Variants in INAVA observed in about 807,000 individuals in gnomAD.
INAVA encodes innate immunity activator protein.
A neutral mutation model predicts 55.3 loss-of-function variants in INAVA; 32 were observed. The ratio of observed to expected loss-of-function variants is 0.58; its 90% CI spans 0.44 to 0.78. The LOEUF (loss-of-function observed/expected upper bound fraction) is 0.78, where lower values mean the gene tolerates loss of function less well. INAVA is among the 30% of genes least tolerant of loss of function. The pLI is 0.00. For missense variants in INAVA, 756 were observed against 786.4 expected, an observed-to-expected ratio of 0.96 and a Z score of 0.46; for synonymous variants, 294 against 329.4, an observed-to-expected ratio of 0.89 and a Z score of 1.16.
In INAVA at chr1:200,901,007, G is replaced by T; in HGVS notation, c.368G>T (p.Cys123Phe). 1 of 1,551,844 alleles carries T rather than the reference G, an allele frequency of 6.4e-7. No homozygotes were observed. The highest frequency in any genetic ancestry group is 8.7e-7 in the Non-Finnish European group (1 of 1,147,518). ...ATCACAGAGGCAGCCCGTCGGCTGT[G>T]CCTGGAGGAGAACCTCAGCAGGCAG... ...LQITEAARRLCLEENLSRQAR... is the reference protein window; with the variant it reads ...LQITEAARRLFLEENLSRQAR... The change falls in exon 5 of 10, where the codon TGC becomes TTC. Residue 123 changes from cysteine to phenylalanine, a missense_variant. Coordinates refer to ENST00000413687, the MANE Select transcript of INAVA (RefSeq NM_001142569.3).
Position 200,900,212 on chromosome 1 carries a change from CA to C in INAVA, c.290del (p.His97ProfsTer6). The C allele has an allele frequency of 6.2e-7, 1 of 1,613,836 alleles. No homozygotes were observed. Among genetic ancestry groups the C allele is most frequent in the Non-Finnish European group, 8.5e-7 (1 of 1,179,744 alleles). On this transcript the variant is annotated frameshift_variant, in exon 4 of 10. Coordinates refer to ENST00000413687, the MANE Select transcript of INAVA (RefSeq NM_001142569.3). LOFTEE classifies it high-confidence loss of function. ...TTACAAACTGGATGACTGGGCCTTG[CA>C]CAGAGAGGTGAGGAACCTCAGGAAG... ...AAYKLDDWAL[H>X]REDPLSSLER...
At chr1:200,898,499 G>T in intron 2 of INAVA, 44 bp downstream of exon 2, 3 of 1,595,872 alleles carry the variant, frequency 1.9e-6, no homozygotes, top group Non-Finnish European at 2.6e-6. Flanking sequence ...CCTAGTCCCT[G>T]GTCCCTGGTC....
intron 1 of INAVA, among the ~76,000 whole-genome samples, chr1:200,895,578 G>T (rs1235127150): frequency 6.6e-6 from 1 of 152,080 alleles, no homozygotes; most frequent in African/African-American, 2.4e-5. Context: ...TTATCTAAAA[G>T]CAATGCCTTA....
chr1:200,891,822 A>C (rs1333571057), upstream of INAVA: 11 of 599,854 alleles, frequency 1.8e-5, no homozygotes, highest in Non-Finnish European at 2.9e-5. Flanking sequence ...TAATTTTTTC[A>C]AAGGGGCAGG....
At chr1:200,906,013 G>C (rs1459697086) in intron 5 of INAVA, among the ~76,000 whole-genome samples, 2 of 152,220 alleles carry the variant, frequency 1.3e-5, no homozygotes, top group Admixed American at 6.5e-5. Flanking sequence ...CTGAGACGTG[G>C]TTTCCTCAAC....
chr1:200,891,593 G>A (rs576339051), upstream of INAVA: 4 of 1,572,290 alleles, frequency 2.5e-6, no homozygotes, highest in South Asian at 2.3e-5. Context: ...GCAGGCCGCA[G>A]GGAGGCTCGG....
At chr1:200,897,038 G>T (rs1289032826) in intron 1 of INAVA, among the ~76,000 whole-genome samples, 3 of 152,228 alleles carry the variant, frequency 2.0e-5, no homozygotes, top group Non-Finnish European at 4.4e-5. Flanking sequence ...CAGCTGCCAG[G>T]CCCTGGCCAG....
chr1:200,899,861 T>C (rs1372112991), intron 3 of INAVA, among the ~76,000 whole-genome samples: 1 of 152,164 alleles, frequency 6.6e-6, no homozygotes, highest in Non-Finnish European at 1.5e-5. Flanking sequence ...TAAGTGCATA[T>C]GAGTGCTGTA....
upstream of INAVA, among the ~76,000 whole-genome samples, chr1:200,892,458 G>A (rs765945673): frequency 2.0e-5 from 3 of 152,180 alleles, no homozygotes; most frequent in Non-Finnish European, 2.9e-5. Context: ...CTGGGGAAGA[G>A]TTTTCTGACT....
At chr1:200,899,274 A>C (rs543719163) in intron 2 of INAVA, among the ~76,000 whole-genome samples, 199 bp from the exon 3 acceptor site, 1 of 152,132 alleles carries the variant, frequency 6.6e-6, no homozygotes, top group South Asian at 2.1e-4. Context: ...GAGTTGTAAC[A>C]TTTGTGCAGC....
chr1:200,910,770 G>A (rs958529461), intron 8 of INAVA, among the ~76,000 whole-genome samples: 3 of 152,196 alleles, frequency 2.0e-5, no homozygotes, highest in Admixed American at 6.5e-5. Context: ...TACATGCTAC[G>A]AGGGCCATTT....
rs1653591497 is a variant in INAVA, at chr1:200,908,702, C to G, written c.575-28C>G. The G allele has an allele frequency of 2.6e-6, 4 of 1,519,110 alleles. No homozygotes were observed. In the African/African-American group the frequency reaches 5.6e-5, roughly 21 times the overall value. The allele number at this position is 1,519,110 out of a possible 1,614,324, so 94.1% of individuals were successfully genotyped here. ...TTGGGCCGGTTCCCCCAGCCTCTGG[C>G]CTTACCAGGTTTCTTTTACTCCTGC... On this transcript the variant is annotated intron_variant, in intron 6 of 9. Transcript: ENST00000413687.
upstream of INAVA, among the ~76,000 whole-genome samples, chr1:200,894,534 A>G (rs930464683): frequency 6.6e-6 from 1 of 152,040 alleles, no homozygotes; most frequent in African/African-American, 2.4e-5. Flanking sequence ...TTTTCCATGG[A>G]CAGTGGACAT....
chr1:200,912,467 G>A (rs7522462), intron 9 of INAVA, among the ~76,000 whole-genome samples: 31,345 of 152,062 alleles, frequency 0.21, 3,669 homozygotes, highest in Non-Finnish European at 0.28. Flanking sequence ...ATAATCAAAA[G>A]TCCAGTCCAA....
chr1:200,891,826 G>T, upstream of INAVA: 1 of 580,834 alleles, frequency 1.7e-6, no homozygotes, highest in Non-Finnish European at 2.7e-6. Context: ...TTTTTCAAAG[G>T]GGCAGGAATT....
chr1:200,899,352 A>C, intron 2 of INAVA, 121 bp from the exon 3 acceptor site: 2 of 1,395,490 alleles, frequency 1.4e-6, no homozygotes, highest in Non-Finnish European at 2.0e-6. Context: ...GTGGGCAGGC[A>C]TGAGATGTGT....
At chr1:200,908,963 AAGGGC>A in intron 7 of INAVA, 23 bp downstream of exon 7, 1 of 1,605,648 alleles carries the variant, frequency 6.2e-7, no homozygotes, top group Non-Finnish European at 8.5e-7. Context: ...GGGAAGGGAG[AAGGGC>A]AGGGCAGGGC....
At chr1:200,913,376 G>A (rs1488689732) in intron 9 of INAVA, among the ~76,000 whole-genome samples, 161 bp from the exon 10 acceptor site, 2 of 152,204 alleles carry the variant, frequency 1.3e-5, no homozygotes, top group African/African-American at 4.8e-5. Context: ...GAAGAACAGA[G>A]AGCATCCTGG....
chr1:200,909,557 G>A (rs944711372), intron 8 of INAVA, among the ~76,000 whole-genome samples, 160 bp downstream of exon 8: 1 of 152,226 alleles, frequency 6.6e-6, no homozygotes, highest in African/African-American at 2.4e-5. Flanking sequence ...GACAGAGAAT[G>A]CACTGCACCC....
Sources: gnomAD v4.1 joint callset for allele counts (sites outside exome capture counted in the v4.1 genomes callset) on GRCh38, gnomAD v4.1.1 for gene constraint, MANE v1.5 for transcripts, NCBI Gene and HGNC (gene_info 2026-07-23, HGNC 2026-07-21) for gene names.